Variants in STAT5B observed in about 807,000 individuals in gnomAD.
STAT5B encodes signal transducer and activator of transcription 5B.
In STAT5B, 21 loss-of-function variants were observed where a neutral mutation model predicts 107.8. The ratio of observed to expected loss-of-function variants is 0.19; its 90% CI spans 0.14 to 0.28. STAT5B has a LOEUF of 0.28. Ranked by LOEUF, STAT5B falls within the 10% of genes least tolerant of loss-of-function variation. The pLI is 1.00. For missense variants in STAT5B, 565 were observed against 1,008.2 expected, an observed-to-expected ratio of 0.56 and a Z score of 5.95; for synonymous variants, 325 against 401.7, an observed-to-expected ratio of 0.81 and a Z score of 2.28.
Position 42,202,441 on chromosome 17 carries a change from C to A in STAT5B, c.2136G>T (p.Val712=). ...CGCCCCCGGCATCTGCAGATGCGTT[C>A]ACAAACCTGCAGAAGGAAGAGAACA... is the stretch of plus-strand genomic sequence containing the variant. ...PQIKQVVPEF[V]NASADAGGGS... The change falls in exon 18 of 19, where the codon GTG becomes GTT. Residue 712 remains valine (V), a synonymous_variant. Transcript: ENST00000293328. 1 of 1,614,060 alleles carries A rather than the reference C, an allele frequency of 6.2e-7. No homozygotes were observed.
At chr17:42,211,085 C>T (rs527907917) in intron 13 of STAT5B, among the ~76,000 whole-genome samples, 3 of 151,724 alleles carry the variant, frequency 2.0e-5, no homozygotes, top group African/African-American at 7.3e-5. Flanking sequence ...CCTGTAATCC[C>T]GGCTACTCAG....
At chr17:42,277,916 C>T (rs761439060), upstream of STAT5B, among the ~76,000 whole-genome samples, 7 of 151,902 alleles carry the variant, frequency 4.6e-5, no homozygotes, top group South Asian at 2.1e-4. Flanking sequence ...CCACCACATC[C>T]GGCTAATTTT....
intron 1 of STAT5B, among the ~76,000 whole-genome samples, chr17:42,274,030 T>C (rs1412920442): frequency 6.6e-6 from 1 of 152,088 alleles, no homozygotes; most frequent in African/African-American, 2.4e-5. Context: ...CAAACGATGA[T>C]AGCACATTTT....
the STAT5B span, among the ~76,000 whole-genome samples, chr17:42,285,447 C>T: frequency 2.0e-5 from 3 of 152,234 alleles, no homozygotes; most frequent in African/African-American, 4.8e-5. Context: ...CCATCTAATA[C>T]TGTGACTTGG....
chr17:42,217,481 G>A lies in STAT5B; in HGVS notation c.1170-17C>T. The A allele has an allele frequency of 1.2e-6, 2 of 1,614,108 alleles. No homozygotes were observed. The highest frequency in any genetic ancestry group is 1.7e-6 in the Non-Finnish European group (2 of 1,179,968). ...CTGTAATCACTGCAAATCAGAGAGAGACCAGCTCCAAACCCATGCCAGGGT... is the reference window on the plus strand; with the variant it reads ...CTGTAATCACTGCAAATCAGAGAGAAACCAGCTCCAAACCCATGCCAGGGT... On this transcript the variant is annotated splice_polypyrimidine_tract_variant and intron_variant, in intron 9 of 18. Transcript: ENST00000293328.
intron 16 of STAT5B, among the ~76,000 whole-genome samples, chr17:42,204,268 G>A (rs1368049274): frequency 3.9e-5 from 6 of 152,172 alleles, no homozygotes; most frequent in African/African-American, 1.4e-4. Context: ...TACCTTTTCA[G>A]AAGGCTGACT....
chr17:42,251,337 T>C (rs955421245), intron 1 of STAT5B, among the ~76,000 whole-genome samples: 2 of 152,208 alleles, frequency 1.3e-5, no homozygotes, highest in African/African-American at 4.8e-5. Flanking sequence ...CAATGCAACA[T>C]TTCCTATAAG....
At chr17:42,252,097 G>A (rs1443310822) in intron 1 of STAT5B, among the ~76,000 whole-genome samples, 1 of 152,076 alleles carries the variant, frequency 6.6e-6, no homozygotes, top group African/African-American at 2.4e-5. Flanking sequence ...AGATCATCTG[G>A]GTTCTCCAAG....
At chr17:42,201,995 C>T (rs896597517) in intron 18 of STAT5B, 131 bp from the exon 19 acceptor site, 2 of 848,096 alleles carry the variant, frequency 2.4e-6, no homozygotes, top group Non-Finnish European at 3.8e-6. Context: ...GGGAAAAGAA[C>T]AACCATTCAA....
chr17:42,242,084 A>C (rs1330622637), intron 1 of STAT5B, among the ~76,000 whole-genome samples: 1 of 152,198 alleles, frequency 6.6e-6, no homozygotes. Context: ...ATTAATCTTT[A>C]TGTCACAGCC....
chr17:42,273,730 A>C (rs1485338310), intron 1 of STAT5B, among the ~76,000 whole-genome samples: 1 of 152,212 alleles, frequency 6.6e-6, no homozygotes, highest in Non-Finnish European at 1.5e-5. Flanking sequence ...TTACAATAAG[A>C]CTACCTGTGT....
At chr17:42,284,384 A>G in the STAT5B span, among the ~76,000 whole-genome samples, 1 of 151,792 alleles carries the variant, frequency 6.6e-6, no homozygotes, top group Admixed American at 6.6e-5. Context: ...ATCCTGCCTC[A>G]GCGTACTGAG....
At chr17:42,209,874 G>C (rs1434543165) in intron 15 of STAT5B, among the ~76,000 whole-genome samples, 1 of 152,192 alleles carries the variant, frequency 6.6e-6, no homozygotes, top group Non-Finnish European at 1.5e-5. Context: ...CATTTTAAGA[G>C]GGAAGCAACT....
chr17:42,252,146 A>T (rs1369962410), intron 1 of STAT5B, among the ~76,000 whole-genome samples: 3 of 152,206 alleles, frequency 2.0e-5, no homozygotes, highest in Non-Finnish European at 4.4e-5. Context: ...TACAGAAGGC[A>T]ACTTCTGAAT....
intron 5 of STAT5B, among the ~76,000 whole-genome samples, chr17:42,221,380 G>A (rs1213802734): frequency 6.6e-6 from 1 of 152,094 alleles, no homozygotes; most frequent in African/African-American, 2.4e-5. Flanking sequence ...CCAGGGAGAC[G>A]GGAAGCAATT....
At chr17:42,208,239 T>C (rs868093821) in intron 15 of STAT5B, among the ~76,000 whole-genome samples, 2 of 152,104 alleles carry the variant, frequency 1.3e-5, no homozygotes, top group African/African-American at 2.4e-5. Flanking sequence ...TGTTGGCTCA[T>C]GCCTGTAATC....
chr17:42,274,183 T>C (rs919341078), intron 1 of STAT5B, among the ~76,000 whole-genome samples: 5 of 144,974 alleles, frequency 3.4e-5, no homozygotes, highest in Admixed American at 1.5e-4. Context: ...GTTGGGTATA[T>C]AGCAAAGATT....
At chr17:42,215,984 G>C (rs1258622537) in intron 12 of STAT5B, 30 bp downstream of exon 12, 1 of 1,606,680 alleles carries the variant, frequency 6.2e-7, no homozygotes, top group Admixed American at 1.7e-5. Flanking sequence ...CATTGATTTT[G>C]GGACCCACAT....
chr17:42,213,969 T>C (rs1274469082), intron 12 of STAT5B, among the ~76,000 whole-genome samples: 1 of 151,004 alleles, frequency 6.6e-6, no homozygotes, highest in Non-Finnish European at 1.5e-5. Context: ...TGGTGAGACC[T>C]GGTCTCTACT....
Sources: gnomAD v4.1 joint callset for allele counts (sites outside exome capture counted in the v4.1 genomes callset) on GRCh38, gnomAD v4.1.1 for gene constraint, MANE v1.5 for transcripts, NCBI Gene and HGNC (gene_info 2026-07-23, HGNC 2026-07-21) for gene names.